The following CSPP1 variants were observed in gnomAD, a reference collection of about 807,000 sequenced individuals.
CSPP1 encodes centrosome and spindle pole-associated protein 1.
A neutral mutation model predicts 164.4 loss-of-function variants in CSPP1; 126 were observed. That is an observed-to-expected ratio of 0.77 (90% CI 0.66 to 0.89). The LOEUF is 0.89. CSPP1 is among the 40% of genes least tolerant of loss of function. CSPP1 has a pLI of 0.00. For missense variants in CSPP1, 1,395 were observed against 1,449.8 expected (o/e 0.96, Z 0.61); for synonymous variants, 472 against 476.7 (o/e 0.99, Z 0.13).
intron 3 of CSPP1, among the ~76,000 whole-genome samples, chr8:67,084,823 G>T (rs1810047884): frequency 6.6e-6 from 1 of 151,810 alleles, no homozygotes. Flanking sequence ...TGTATAGTAG[G>T]ACTAAAAAAG....
At chr8:67,168,631 A>G (rs1412780663) in intron 24 of CSPP1, among the ~76,000 whole-genome samples, 1 of 152,224 alleles carries the variant, frequency 6.6e-6, no homozygotes, top group Non-Finnish European at 1.5e-5. Context: ...GGTTAAATAC[A>G]TTTACTTTGG....
chr8:67,065,514 A>G (rs1254158082), intron 1 of CSPP1: 2 of 980,766 alleles, frequency 2.0e-6, no homozygotes, highest in African/African-American at 1.8e-5. Context: ...TGTAATGTTG[A>G]CAAGCTCCAT....
At chr8:67,093,716 C>A in intron 6 of CSPP1, 75 bp downstream of exon 6, 1 of 815,904 alleles carries the variant, frequency 1.2e-6, no homozygotes, top group South Asian at 2.2e-5. Flanking sequence ...AAAGCTTTTT[C>A]TATTTTAGAC....
Position 67,095,717 on chromosome 8 carries a change from T to G in CSPP1, c.908T>G (p.Val303Gly). ...GATTTTGATAGAAGACTTTCGAGAG[T>G]GTATACAAATGACAGGTATTTACAA... is the stretch of plus-strand genomic sequence containing the variant. The part of the protein sequence containing the change: ...ESDFDRRLSR[V>G]YTNDRMHRNK... Residue 303 changes from valine (V) to glycine (G), a missense_variant, in exon 7 of 31, where the codon GTG becomes GGG. Transcript: ENST00000678616. 1 of 1,568,626 alleles carries G rather than the reference T, an allele frequency of 6.4e-7. No homozygotes were observed. Among genetic ancestry groups the G allele is most frequent in the Admixed American group, 1.9e-5 (1 of 53,986 alleles).
intron 30 of CSPP1, among the ~76,000 whole-genome samples, chr8:67,194,699 A>G (rs866347184): frequency 1.3e-5 from 2 of 151,824 alleles, no homozygotes; most frequent in Non-Finnish European, 2.9e-5. Flanking sequence ...AAAAAAAAAA[A>G]AAGAATATGA....
chr8:67,171,533 C>T (rs1830462602), intron 24 of CSPP1, among the ~76,000 whole-genome samples: 1 of 152,082 alleles, frequency 6.6e-6, no homozygotes, highest in Non-Finnish European at 1.5e-5. Context: ...CAGGCACACA[C>T]TATCATGCTT....
Position 67,158,599 on chromosome 8 carries a change from A to G in CSPP1, c.2391+3A>G, listed in dbSNP as rs1338097590. On this transcript the variant is annotated splice_donor_region_variant and intron_variant, in intron 20 of 30. Coordinates refer to ENST00000678616, the MANE Select transcript of CSPP1 (RefSeq NM_001382391.1). ...AGAAAAGAGAGAAAGAGGAGGAGGT[A>G]CATCTTTTTTCCCTATTGTATTTTA... is the stretch of plus-strand genomic sequence containing the variant. The G allele has an allele frequency of 1.9e-6, 3 of 1,573,020 alleles. No individual in the cohort carries two copies. The highest frequency in any genetic ancestry group is 1.9e-5 in the Admixed American group (1 of 53,130).
At chr8:67,171,461 T>C (rs1301677509) in intron 24 of CSPP1, among the ~76,000 whole-genome samples, 3 of 152,086 alleles carry the variant, frequency 2.0e-5, no homozygotes, top group Non-Finnish European at 2.9e-5. Context: ...TGATCACAGC[T>C]TATTGTAGCC....
In CSPP1 at chr8:67,095,604, G is replaced by A; in HGVS notation, c.795G>A (p.Glu265=). 1 of 1,614,004 alleles carries A rather than the reference G, an allele frequency of 6.2e-7. No individual in the cohort carries two copies. Among genetic ancestry groups the A allele is most frequent in the South Asian group, 1.1e-5 (1 of 91,074 alleles). The stretch of plus-strand genomic sequence containing the variant: ...ATAGAAGATTTCACAGATTTAATGA[G>A]GATCGTGTTTTTGATAGACGGTATC... ...IPDRRFHRFN[E]DRVFDRRYHR... Residue 265 remains glutamate (E), a synonymous_variant, in exon 7 of 31, where the codon GAG becomes GAA. Coordinates refer to ENST00000678616, the MANE Select transcript of CSPP1 (RefSeq NM_001382391.1).
rs1353837190 is a variant in CSPP1, at chr8:67,175,170, T to G, written c.2969-126T>G. The stretch of plus-strand genomic sequence containing the variant: ...TTACTGTCCTTTGACTTTAGTGATG[T>G]TTCACTATTTCTATCATTTCCTTGA... On this transcript the variant is annotated intron_variant, in intron 25 of 30. Transcript: ENST00000678616. 1.1e-5 allele frequency: 8 copies of G among 710,024 alleles called. No individual in the cohort carries two copies. The African/African-American group carries it at 1.4e-4, about 13-fold the overall frequency. 44.0% of individuals were successfully genotyped at this position (710,024 alleles called of 1,614,324 possible).
At chr8:67,142,242 G>A (rs780233519) in intron 17 of CSPP1, among the ~76,000 whole-genome samples, 6 of 151,728 alleles carry the variant, frequency 4.0e-5, no homozygotes, top group Non-Finnish European at 5.9e-5. Context: ...CATGTCAAAT[G>A]TTAAAACGTA....
intron 16 of CSPP1, chr8:67,134,934 A>G (rs1379203655): frequency 6.6e-6 from 1 of 152,190 alleles, no homozygotes; most frequent in African/African-American, 2.4e-5. Context: ...ACTTAAAGTC[A>G]CCAGCTGCAT....
In CSPP1 at chr8:67,159,065, A is replaced by G; in HGVS notation, c.2466A>G (p.Glu822=). The change falls in exon 21 of 31, where the codon GAA becomes GAG. Residue 822 remains glutamate, a synonymous_variant. Transcript: ENST00000678616. ...RQKEAERKKK[E]EEEKYNLQLQ... ...AAGAAGCAGAAAGAAAGAAGAAAGA[A>G]GAAGAAGAAAAATATAACCTGCAAC... is the stretch of plus-strand genomic sequence containing the variant. The G allele has an allele frequency of 6.2e-7, 1 of 1,613,150 alleles. No individual in the cohort carries two copies. Among genetic ancestry groups the G allele is most frequent in the Non-Finnish European group, 8.5e-7 (1 of 1,179,542 alleles).
chr8:67,081,980 A>C (rs1432616621), intron 3 of CSPP1, among the ~76,000 whole-genome samples: 1 of 152,192 alleles, frequency 6.6e-6, no homozygotes, highest in African/African-American at 2.4e-5. Context: ...GGTTCAAACG[A>C]TCCTCCCTTC....
At chr8:67,104,950 A>C in intron 8 of CSPP1, among the ~76,000 whole-genome samples, 1 of 101,300 alleles carries the variant, frequency 9.9e-6, no homozygotes, top group East Asian at 2.6e-4. Flanking sequence ...TTACATGCAC[A>C]TATATATATA....
intron 4 of CSPP1, among the ~76,000 whole-genome samples, chr8:67,090,032 A>G (rs762005195): frequency 6.6e-6 from 1 of 152,100 alleles, no homozygotes; most frequent in East Asian, 1.9e-4. Flanking sequence ...TGGAATGGGA[A>G]ATTGCCCAGT....
At chr8:67,176,930 G>C (rs1831802730) in intron 26 of CSPP1, among the ~76,000 whole-genome samples, 1 of 152,004 alleles carries the variant, frequency 6.6e-6, no homozygotes, top group Non-Finnish European at 1.5e-5. Flanking sequence ...AATTAGCTGG[G>C]CATGGAGGCG....
chr8:67,144,363 G>C (rs1824069565), intron 17 of CSPP1, among the ~76,000 whole-genome samples: 1 of 152,070 alleles, frequency 6.6e-6, no homozygotes, highest in Non-Finnish European at 1.5e-5. Flanking sequence ...AAGATATTCT[G>C]GTTTTTTATT....
At chr8:67,116,763 G>C (rs1818008819) in intron 13 of CSPP1, among the ~76,000 whole-genome samples, 1 of 151,956 alleles carries the variant, frequency 6.6e-6, no homozygotes. Context: ...TAGGGCCTGG[G>C]CTTATTTTTT....
Sources: allele counts gnomAD v4.1 joint callset (sites outside exome capture counted in the v4.1 genomes callset), GRCh38; gene constraint gnomAD v4.1.1; transcripts MANE v1.5; gene names NCBI Gene and HGNC (gene_info 2026-07-23, HGNC 2026-07-21).